PARD3: variants seen among roughly 807,000 people sequenced by gnomAD.
The protein encoded by PARD3 is partitioning defective 3 homolog.
In PARD3, 75 loss-of-function variants were observed where a neutral mutation model predicts 155.4. That is an observed-to-expected ratio of 0.48 (90% confidence interval 0.40 to 0.58). PARD3 has a LOEUF of 0.58. PARD3 is among the 20% of genes least tolerant of loss of function. PARD3 has a pLI of 0.00. For missense variants in PARD3, 1,642 were observed against 1,721.7 expected, an observed-to-expected ratio of 0.95 and a Z score of 0.82; for synonymous variants, 576 against 610.5, an observed-to-expected ratio of 0.94 and a Z score of 0.83.
chr10:34,597,821 T>C (rs1262882059), intron 2 of PARD3, among the ~76,000 whole-genome samples: 1 of 152,114 alleles, frequency 6.6e-6, no homozygotes, highest in East Asian at 1.9e-4. Context: ...GGCATCACTG[T>C]CTCCAGAAGC....
chr10:34,556,324 G>A (rs2084977752), intron 2 of PARD3, among the ~76,000 whole-genome samples: 1 of 151,716 alleles, frequency 6.6e-6, no homozygotes, highest in African/African-American at 2.4e-5. Context: ...AACATCCTGT[G>A]TGCAAGAAGA....
At chr10:34,305,958 CAGAGCA>C (rs1439247525) in intron 20 of PARD3, among the ~76,000 whole-genome samples, 18 of 152,092 alleles carry the variant, frequency 1.2e-4, no homozygotes, top group Admixed American at 1.0e-3. Flanking sequence ...GCCTGGGTGA[CAGAGCA>C]AGATCCTGTC....
At chr10:34,598,185 G>A (rs1196047343) in intron 2 of PARD3, among the ~76,000 whole-genome samples, 1 of 152,130 alleles carries the variant, frequency 6.6e-6, no homozygotes. Flanking sequence ...AAGAAGAGAA[G>A]GAATTCTAGC....
At chr10:34,260,356 G>A (rs1954892486) in intron 22 of PARD3, among the ~76,000 whole-genome samples, 1 of 152,202 alleles carries the variant, frequency 6.6e-6, no homozygotes, top group African/African-American at 2.4e-5. Flanking sequence ...GCTGAAGACA[G>A]GGGCTCAGAG....
chr10:34,438,153 T>C (rs2076282317), intron 5 of PARD3, among the ~76,000 whole-genome samples: 1 of 152,164 alleles, frequency 6.6e-6, no homozygotes, highest in Admixed American at 6.5e-5. Flanking sequence ...CGGGCTTATC[T>C]TCTAACACTG....
intron 5 of PARD3, among the ~76,000 whole-genome samples, chr10:34,412,662 T>C (rs1564684480): frequency 6.6e-6 from 1 of 152,250 alleles, no homozygotes; most frequent in African/African-American, 2.4e-5. Context: ...CCATATCATT[T>C]GCTTTTGATT....
At chr10:34,545,074 A>C (rs2083934727) in intron 2 of PARD3, among the ~76,000 whole-genome samples, 1 of 152,182 alleles carries the variant, frequency 6.6e-6, no homozygotes, top group Admixed American at 6.5e-5. Flanking sequence ...GAGCTTCAAA[A>C]CCCAACATGC....
intron 2 of PARD3, among the ~76,000 whole-genome samples, chr10:34,605,236 A>C (rs2090144757): frequency 8.9e-6 from 1 of 112,642 alleles, no homozygotes; most frequent in Non-Finnish European, 1.6e-5. Context: ...TCTGTCACCC[A>C]GGCTGGAGTG....
At chr10:34,445,729 T>C (rs917126087) in intron 5 of PARD3, among the ~76,000 whole-genome samples, 3 of 152,072 alleles carry the variant, frequency 2.0e-5, no homozygotes, top group Non-Finnish European at 4.4e-5. Context: ...ATAATTAAGC[T>C]GTATCATATT....
chr10:34,111,294 C>G lies in PARD3; in HGVS notation c.3937G>C (p.Val1313Leu), dbSNP rs769725679. Reference sequence around the variant, plus strand: ...GGAGGGGCGTAACTGGGGTCCTGGACTTTCTTATACGAGTCATAGTTGCTG... The same window carrying G: ...GGAGGGGCGTAACTGGGGTCCTGGAGTTTCTTATACGAGTCATAGTTGCTG... ...GPSNYDSYKK[V>L]QDPSYAPPKG... is the part of the protein sequence containing the mutation. Residue 1313 changes from valine to leucine, a missense_variant, in exon 25 of 25, where the codon GTC (valine) becomes CTC (leucine). Coordinates refer to ENST00000374788, the MANE Select transcript of PARD3 (RefSeq NM_001184785.2). The G allele has an allele frequency of 2.0e-5, 32 of 1,613,934 alleles. No homozygotes were observed. Among genetic ancestry groups the G allele is most frequent in the Non-Finnish European group, 2.5e-5 (30 of 1,179,932 alleles).
chr10:34,391,077 G>A (rs543858764), intron 7 of PARD3, among the ~76,000 whole-genome samples: 2 of 152,274 alleles, frequency 1.3e-5, no homozygotes, highest in South Asian at 2.1e-4. Context: ...CTGCAAGGAT[G>A]TCTGTCAAAT....
chr10:34,715,489 A>T (rs11593692), intron 1 of PARD3, among the ~76,000 whole-genome samples: 3,005 of 152,254 alleles, frequency 0.02, 55 homozygotes, highest in Non-Finnish European at 0.031. Context: ...CAAACTTGTT[A>T]TCTGCTTGTC....
At chr10:34,255,818 C>G (rs1954623774) in intron 22 of PARD3, among the ~76,000 whole-genome samples, 1 of 152,128 alleles carries the variant, frequency 6.6e-6, no homozygotes, top group Admixed American at 6.5e-5. Context: ...ATTTTACACG[C>G]CACTATTTGT....
chr10:34,331,291 A>C lies in PARD3; in HGVS notation c.2659T>G (p.Leu887Val). Residue 887 changes from leucine to valine, a missense_variant, in exon 19 of 25, where the codon TTG becomes GTG. This residue lies in a region of PARD3 where 1,529 missense variants were observed against 1,587.3 expected (regional missense o/e 0.96). Coordinates refer to ENST00000374788, the MANE Select transcript of PARD3 (RefSeq NM_001184785.2). The part of the protein sequence containing the change: ...PSLGLKKSSS[L>V]ESLQTAVAEV... Reference sequence around the variant, plus strand: ...GCAACTGCGGTCTGCAGACTCTCCAACGAGCTTGACTTCTTCAGACCCAGG... The same window carrying C: ...GCAACTGCGGTCTGCAGACTCTCCACCGAGCTTGACTTCTTCAGACCCAGG... 6.2e-7 allele frequency: 1 copy of C among 1,613,952 alleles called. No individual in the cohort carries two copies. The highest frequency in any genetic ancestry group is 8.5e-7 in the Non-Finnish European group (1 of 1,179,908).
rs569782969 is a variant in PARD3 at position 34,546,582 on chromosome 10, C to T, written c.223-29423G>A. Among the ~76,000 whole-genome samples the T allele has an allele frequency of 1.1e-3, 161 of 151,568 alleles. 1 individual carries two copies. Among genetic ancestry groups the T allele is most frequent in the Non-Finnish European group, 2.1e-3 (141 of 67,956 alleles). ...GACCCGAGTCTCACTGTCACCCGGGCTGGCCTGGCAAATTTTAATTTAAAT... is the reference window on the plus strand; with the variant it reads ...GACCCGAGTCTCACTGTCACCCGGGTTGGCCTGGCAAATTTTAATTTAAAT... On this transcript the variant is annotated intron_variant, in intron 2 of 24. Coordinates refer to ENST00000374788, the MANE Select transcript of PARD3 (RefSeq NM_001184785.2).
At chr10:34,329,149 A>C (rs2134215511) in intron 19 of PARD3, among the ~76,000 whole-genome samples, 1 of 152,314 alleles carries the variant, frequency 6.6e-6, no homozygotes, top group African/African-American at 2.4e-5. Context: ...TAGGGACAAA[A>C]TCAGATGTCC....
chr10:34,377,947 C>T lies in PARD3; in HGVS notation c.1539+20G>A. ...AACATTTCAAGAATCAGGGAACATC[C>T]TGCTGGGGAAGTCACTTACCTCTAT... is the stretch of plus-strand genomic sequence containing the variant. On this transcript the variant is annotated intron_variant, in intron 10 of 24. Transcript: ENST00000374788. 1 of 1,503,600 alleles carries T rather than the reference C, an allele frequency of 6.7e-7. No homozygotes were observed. Among genetic ancestry groups the T allele is most frequent in the Non-Finnish European group, 8.8e-7 (1 of 1,132,748 alleles). 93.1% of individuals were successfully genotyped at this position (1,503,600 alleles called of 1,614,324 possible).
At chr10:34,517,361 A>G (rs1470161269) in intron 2 of PARD3, among the ~76,000 whole-genome samples, 1 of 152,238 alleles carries the variant, frequency 6.6e-6, no homozygotes, top group East Asian at 1.9e-4. Flanking sequence ...TAAGTCGTAC[A>G]TTTCACATTC....
intron 23 of PARD3, among the ~76,000 whole-genome samples, chr10:34,129,277 C>T (rs926143076): frequency 2.6e-5 from 4 of 152,008 alleles, no homozygotes; most frequent in African/African-American, 4.8e-5. Flanking sequence ...CTCAGCCTCC[C>T]GAGTAGCCTG....
Sources: allele counts gnomAD v4.1 joint callset (sites outside exome capture counted in the v4.1 genomes callset), GRCh38; gene constraint gnomAD v4.1.1; regional missense constraint gnomAD v4.1.1; transcripts MANE v1.5; gene names NCBI Gene and HGNC (gene_info 2026-07-23, HGNC 2026-07-21).